Variants in CACNB4 observed in about 807,000 individuals in gnomAD.
CACNB4 encodes voltage-dependent L-type calcium channel subunit beta-4.
CACNB4 carries 32 observed loss-of-function variants against 71.2 expected under a neutral mutation model. That is an observed-to-expected ratio of 0.45 (90% CI 0.34 to 0.60). The LOEUF is 0.60. Among genes scored for constraint, CACNB4 ranks in the 20% least tolerant of loss-of-function variants. CACNB4 has a pLI of 0.01. For synonymous variants in CACNB4, 231 were observed against 236.9 expected, an observed-to-expected ratio of 0.97 and a Z score of 0.23; for missense variants, 464 against 647.9, an observed-to-expected ratio of 0.72 and a Z score of 3.08.
chr2:151,976,170 TCTAA>T (rs1165297059), intron 2 of CACNB4, among the ~76,000 whole-genome samples: 4 of 152,208 alleles, frequency 2.6e-5, no homozygotes, highest in South Asian at 4.1e-4. Context: ...ACCCAACCCC[TCTAA>T]CTAAGAATAG....
rs1384275560 is a variant in CACNB4 at position 151,997,480 on chromosome 2, G to A, written c.147+100850C>T. 2.0e-5 allele frequency among the ~76,000 whole-genome samples: 3 copies of A among 152,092 alleles called. No homozygotes were observed. In the East Asian group the frequency reaches 5.8e-4, roughly 29 times the overall value. On this transcript the variant is annotated intron_variant, in intron 2 of 13. Coordinates refer to ENST00000539935, the MANE Select transcript of CACNB4 (RefSeq NM_000726.5). ...ACCCAGGAGGCAGAGCTTGCAGTGA[G>A]CTGAGATCGCGCCACTGCACTCCAG... is the stretch of plus-strand genomic sequence containing the variant.
intron 2 of CACNB4, among the ~76,000 whole-genome samples, chr2:152,046,735 T>C (rs2105271884): frequency 6.6e-6 from 1 of 152,360 alleles, no homozygotes; most frequent in African/African-American, 2.4e-5. Flanking sequence ...ATGAGAATTC[T>C]GCCTGGTTTT....
chr2:151,920,300 T>TTTC (rs202063164), intron 2 of CACNB4, among the ~76,000 whole-genome samples: 35 of 132,088 alleles, frequency 2.6e-4, no homozygotes, highest in African/African-American at 4.9e-4. Flanking sequence ...TCTAGAGTCT[T>TTTC]TTCTTCTTCT....
chr2:151,843,953 G>A (rs967155660), intron 12 of CACNB4, among the ~76,000 whole-genome samples: 6 of 152,154 alleles, frequency 3.9e-5, no homozygotes, highest in African/African-American at 1.4e-4. Context: ...GCCATTTGGG[G>A]TTCTTGGAAC....
intron 2 of CACNB4, among the ~76,000 whole-genome samples, chr2:151,931,338 G>A (rs1262458225): frequency 6.6e-6 from 1 of 152,166 alleles, no homozygotes; most frequent in African/African-American, 2.4e-5. Context: ...CCCCGAAGTT[G>A]CCCTAAAGTG....
chr2:151,954,473 T>A (rs1217119626), intron 2 of CACNB4, among the ~76,000 whole-genome samples: 1 of 152,244 alleles, frequency 6.6e-6, no homozygotes, highest in Non-Finnish European at 1.5e-5. Context: ...AATATCTTTG[T>A]TCTGTTTCAA....
intron 10 of CACNB4, chr2:151,859,663 C>A (rs1007416448): frequency 6.6e-6 from 1 of 152,164 alleles, no homozygotes; most frequent in Admixed American, 6.5e-5. Flanking sequence ...GACCACTAAT[C>A]GCTGGGATCT....
intron 3 of CACNB4, 83 bp downstream of exon 3, chr2:151,883,168 A>G (rs916580165): frequency 1.8e-5 from 25 of 1,383,246 alleles, no homozygotes; most frequent in Admixed American, 6.8e-5. Context: ...TGATTATTCC[A>G]GAAATGTGAG....
chr2:151,954,979 G>A (rs2099867860), intron 2 of CACNB4, among the ~76,000 whole-genome samples: 1 of 147,688 alleles, frequency 6.8e-6, no homozygotes, highest in South Asian at 2.2e-4. Flanking sequence ...TCAGCCTCCC[G>A]AGTAGCTGGG....
At chr2:151,954,121 G>T (rs2099867602) in intron 2 of CACNB4, among the ~76,000 whole-genome samples, 1 of 152,118 alleles carries the variant, frequency 6.6e-6, no homozygotes, top group Admixed American at 6.5e-5. Flanking sequence ...CTGTGACCAG[G>T]GTTATCAGTG....
At chr2:151,977,250 A>G (rs1319970892) in intron 2 of CACNB4, among the ~76,000 whole-genome samples, 1 of 152,182 alleles carries the variant, frequency 6.6e-6, no homozygotes, top group Admixed American at 6.5e-5. Flanking sequence ...CATTATGATC[A>G]ACAGTTCAAA....
At chr2:151,964,036 T>G (rs1579002414) in intron 2 of CACNB4, among the ~76,000 whole-genome samples, 1 of 121,428 alleles carries the variant, frequency 8.2e-6, no homozygotes, top group Admixed American at 1.1e-4. Context: ...GCCACTGCAC[T>G]CCAACCTGGC....
At chr2:152,085,092 G>C (rs899831047) in intron 2 of CACNB4, among the ~76,000 whole-genome samples, 10 of 152,176 alleles carry the variant, frequency 6.6e-5, no homozygotes, top group Non-Finnish European at 1.0e-4. Flanking sequence ...TGACAAGTGG[G>C]AAGATTATCA....
chr2:151,975,686 C>G (rs1240568557), intron 2 of CACNB4, among the ~76,000 whole-genome samples: 2 of 152,228 alleles, frequency 1.3e-5, no homozygotes, highest in Non-Finnish European at 2.9e-5. Context: ...GATCAAAGGG[C>G]TGCTGTGCTC....
chr2:151,865,794 T>TTTG (rs1450176128), intron 9 of CACNB4: 3 of 151,856 alleles, frequency 2.0e-5, no homozygotes, highest in African/African-American at 4.8e-5. Flanking sequence ...CTTTTTTTTT[T>TTTG]TTTTTATTGA....
chr2:152,049,873 T>C (rs973202194), intron 2 of CACNB4, among the ~76,000 whole-genome samples: 2 of 152,364 alleles, frequency 1.3e-5, no homozygotes, highest in South Asian at 2.1e-4. Context: ...AAGACCATGT[T>C]GGTTTGACTG....
At chr2:151,967,943 G>T (rs2099871585) in intron 2 of CACNB4, 1 of 152,134 alleles carries the variant, frequency 6.6e-6, no homozygotes, top group African/African-American at 2.4e-5. Flanking sequence ...TGTTATAAAA[G>T]AATATAAAAT....
At chr2:152,025,262 T>C (rs1683900441) in intron 2 of CACNB4, among the ~76,000 whole-genome samples, 1 of 152,204 alleles carries the variant, frequency 6.6e-6, no homozygotes, top group Admixed American at 6.5e-5. Context: ...ATAGCTTTCC[T>C]GAAAACAGGA....
At chr2:151,909,450 C>CAAAAAAAAAAAAAAAA (rs11324988) in intron 2 of CACNB4, among the ~76,000 whole-genome samples, 1 of 105,612 alleles carries the variant, frequency 9.5e-6, no homozygotes, top group Non-Finnish European at 2.5e-5. Flanking sequence ...AGGAAAAAAA[C>CAAAAAAAAAAAAAAAA]AAAAAAAAAA....
Sources: allele counts gnomAD v4.1 joint callset (sites outside exome capture counted in the v4.1 genomes callset), GRCh38; gene constraint gnomAD v4.1.1; transcripts MANE v1.5; gene names NCBI Gene and HGNC (gene_info 2026-07-23, HGNC 2026-07-21).